WDR17: variants seen among roughly 807,000 people sequenced by gnomAD.
WDR17 encodes the protein WD repeat-containing protein 17.
In WDR17, 143 loss-of-function variants were observed where a neutral mutation model predicts 161.7. The observed-to-expected ratio is 0.88, with a 90% CI of 0.77 to 1.02. The LOEUF is 1.02. Among genes scored for constraint, WDR17 ranks in the 50% least tolerant of loss-of-function variants. The probability of loss-of-function intolerance (pLI) is 0.00; values close to 1 mark genes in which losing one functional copy is unlikely to be tolerated. For synonymous variants in WDR17, 517 were observed against 515.6 expected, an observed-to-expected ratio of 1.00 and a Z score of -0.04; for missense variants, 1,469 against 1,520.9, an observed-to-expected ratio of 0.97 and a Z score of 0.57.
At chr4:176,084,582 T>A (rs1010540777) in intron 1 of WDR17, among the ~76,000 whole-genome samples, 8 of 151,754 alleles carry the variant, frequency 5.3e-5, no homozygotes, top group African/African-American at 1.7e-4. Flanking sequence ...GTCCTATATG[T>A]CAATGTTTTC....
chr4:176,120,071 A>G lies in WDR17; in HGVS notation c.512A>G (p.Asp171Gly), dbSNP rs1293614752. ...QKGKVVFGHI[D>G]GSLSIFHPGN... ...GGGAAAGTTGTGTTTGGTCATATTG[A>G]TGGAAGTCTATCAATTTTTCATCCA... Residue 171 changes from aspartate (D) to glycine (G), a missense_variant, in exon 4 of 29, where the codon GAT becomes GGT. Transcript: ENST00000508596. The G allele has an allele frequency of 1.1e-5, 17 of 1,613,624 alleles. No individual in the cohort carries two copies. Among genetic ancestry groups the G allele is most frequent in the Admixed American group, 1.7e-5 (1 of 59,984 alleles).
At chr4:176,075,288 C>A (rs553293207) in intron 1 of WDR17, among the ~76,000 whole-genome samples, 2 of 151,658 alleles carry the variant, frequency 1.3e-5, no homozygotes, top group Admixed American at 6.6e-5. Context: ...TATTGTGAGT[C>A]GATTTTTCCC....
At position 176,148,201 on chromosome 4, in the gene WDR17, T is replaced by A. The variant is rs1441424905; in HGVS notation, c.1763T>A (p.Val588Glu). Residue 588 changes from valine to glutamate, a missense_variant, in exon 13 of 29, where the codon GTG becomes GAG. By Grantham distance (121) the Val-to-Glu change is moderately radical. Transcript: ENST00000508596. Reference protein sequence around the residue: ...INILNGHTAPVRGLMWNTEIP... With the variant: ...INILNGHTAPERGLMWNTEIP... ...ATTCTTAATGGACACACTGCACCTG[T>A]GAGAGGATTAATGTGGAATACTGAG... 2 of 1,613,896 alleles carry A rather than the reference T, an allele frequency of 1.2e-6. No homozygotes were observed. The highest frequency in any genetic ancestry group is 4.5e-5 in the East Asian group (2 of 44,850).
Position 176,156,075 on chromosome 4 carries a change from G to A in WDR17, c.2461-4G>A, listed in dbSNP as rs779977552. 3 of 1,612,998 alleles carry A rather than the reference G, an allele frequency of 1.9e-6. No individual in the cohort carries two copies. The highest frequency in any genetic ancestry group is 1.7e-6 in the Non-Finnish European group (2 of 1,179,560). On this transcript the variant is annotated splice_region_variant and splice_polypyrimidine_tract_variant and intron_variant, in intron 17 of 28. Coordinates refer to ENST00000508596, the MANE Select transcript of WDR17 (RefSeq NM_181265.4). ...GCTCCTGCCCTTTTTGCCTTCTATT[G>A]TAGTGGGACAAAGCCCTGTCAATTG...
chr4:176,074,548 C>T (rs144450962), intron 1 of WDR17, among the ~76,000 whole-genome samples: 22 of 152,016 alleles, frequency 1.4e-4, no homozygotes, highest in African/African-American at 4.8e-4. Context: ...CCTCGATTTC[C>T]TGGGTTCACG....
At chr4:176,078,701 A>G (rs1388985036) in intron 1 of WDR17, among the ~76,000 whole-genome samples, 2 of 152,018 alleles carry the variant, frequency 1.3e-5, no homozygotes, top group African/African-American at 4.8e-5. Flanking sequence ...CTCCAATTCT[A>G]CTCATATTTT....
chr4:176,172,529 T>C lies in WDR17; in HGVS notation c.3244+13T>C, dbSNP rs76244394. The C allele has an allele frequency of 0.01, 16,079 of 1,568,506 alleles. 180 individuals are homozygous for C. The highest frequency in any genetic ancestry group is 0.055 in the African/African-American group (3,947 of 72,248). ...AGCTTTGTTAAAGGTAAGTAATTAG[T>C]TGGTAGTAGAATTTTAAATATACTC... On this transcript the variant is annotated intron_variant, in intron 24 of 28. Coordinates refer to ENST00000508596, the MANE Select transcript of WDR17 (RefSeq NM_181265.4).
At chr4:176,084,916 A>G (rs1032709519) in intron 1 of WDR17, among the ~76,000 whole-genome samples, 4 of 151,474 alleles carry the variant, frequency 2.6e-5, no homozygotes, top group Non-Finnish European at 5.9e-5. Flanking sequence ...TTAACGGTAT[A>G]TGAAGAGATC....
chr4:176,107,130 A>G (rs757956582), intron 1 of WDR17, among the ~76,000 whole-genome samples: 16 of 152,100 alleles, frequency 1.1e-4, no homozygotes, highest in South Asian at 2.1e-4. Context: ...TGGACAAGAT[A>G]CTTTAATAGA....
At chr4:176,152,103 A>G (rs1430071020) in intron 17 of WDR17, 136 bp downstream of exon 17, 3 of 763,528 alleles carry the variant, frequency 3.9e-6, no homozygotes, top group African/African-American at 3.6e-5. Flanking sequence ...TGAGCCCAGG[A>G]GTTCGATACT....
intron 1 of WDR17, among the ~76,000 whole-genome samples, chr4:176,074,532 C>G (rs1733703940): frequency 6.6e-6 from 1 of 151,982 alleles, no homozygotes; most frequent in African/African-American, 2.4e-5. Flanking sequence ...TCATAGCTCA[C>G]TGCAGCCTCG....
chr4:176,104,959 A>T (rs1202363657), intron 1 of WDR17, among the ~76,000 whole-genome samples: 1 of 152,078 alleles, frequency 6.6e-6, no homozygotes, highest in Non-Finnish European at 1.5e-5. Context: ...ATTTAAAAAA[A>T]GATCCATCTG....
intron 10 of WDR17, among the ~76,000 whole-genome samples, chr4:176,141,019 G>A (rs1745171101): frequency 6.6e-6 from 1 of 152,114 alleles, no homozygotes; most frequent in Non-Finnish European, 1.5e-5. Flanking sequence ...GTGTTGGTGG[G>A]CCTAATAACA....
chr4:176,149,903 T>TG lies in WDR17; in HGVS notation c.1994_1995insG (p.Gln666ThrfsTer18). 6.2e-7 allele frequency: 1 copy of TG among 1,613,954 alleles called. No individual in the cohort carries two copies. Among genetic ancestry groups the TG allele is most frequent in the South Asian group, 1.1e-5 (1 of 90,946 alleles). ...TCATTAACAGCCTTAGTCACTCCTG[T>TG]ACAAATAAATATTCTGGCAGACAGA... is the stretch of plus-strand genomic sequence containing the variant. On this transcript the variant is annotated frameshift_variant, in exon 14 of 29. Coordinates refer to ENST00000508596, the MANE Select transcript of WDR17 (RefSeq NM_181265.4). LOFTEE classifies it high-confidence loss of function.
chr4:176,105,950 A>G lies in WDR17; in HGVS notation c.-6-5625A>G, dbSNP rs201763410. On this transcript the variant is annotated intron_variant, in intron 1 of 28. Coordinates refer to ENST00000508596, the MANE Select transcript of WDR17 (RefSeq NM_181265.4). ...TGTAGCTGGATAAACTAAGAAAAAG[A>G]GAGAAGACTCAAATTATTAAAATCA... Among the ~76,000 whole-genome samples the G allele has an allele frequency of 2.6e-5, 4 of 152,236 alleles. No individual in the cohort carries two copies. In the East Asian group the frequency reaches 7.7e-4, roughly 29 times the overall value.
rs551737757 is a variant in WDR17 at position 176,179,394 on chromosome 4, G to A, written c.3733-66G>A. 5.9e-4 allele frequency: 794 copies of A among 1,348,558 alleles called. 2 individuals are homozygous for A. Among genetic ancestry groups the A allele is most frequent in the Non-Finnish European group, 6.1e-4 (633 of 1,033,426 alleles). The allele number at this position is 1,348,558 out of a possible 1,614,324, so 83.5% of individuals were successfully genotyped here. A position where few individuals can be genotyped will look rare whatever the true frequency, so the allele number is the denominator to read the frequency against. ...TTTTTATTGCAGTGATTCTCTTTCT[G>A]AAAGTTTAAAAATACTTTGCAAATT... On this transcript the variant is annotated intron_variant, in intron 28 of 28. Coordinates refer to ENST00000508596, the MANE Select transcript of WDR17 (RefSeq NM_181265.4).
At chr4:176,087,878 G>A (rs576860162) in intron 1 of WDR17, among the ~76,000 whole-genome samples, 34 of 151,184 alleles carry the variant, frequency 2.2e-4, no homozygotes, top group African/African-American at 7.0e-4. Flanking sequence ...GCCAGAATCT[G>A]TGTCACCCAG....
intron 1 of WDR17, among the ~76,000 whole-genome samples, chr4:176,067,892 A>G (rs146978406): frequency 8.1e-4 from 123 of 152,342 alleles, no homozygotes; most frequent in African/African-American, 2.7e-3. Context: ...CTAGAAGTCC[A>G]ACATGAATGA....
chr4:176,086,362 A>G (rs1381192178), intron 1 of WDR17, among the ~76,000 whole-genome samples: 1 of 151,902 alleles, frequency 6.6e-6, no homozygotes, highest in African/African-American at 2.4e-5. Context: ...TCTATCAGCT[A>G]TTGAGATTTG....
Sources: gnomAD v4.1 joint callset for allele counts (sites outside exome capture counted in the v4.1 genomes callset) on GRCh38, gnomAD v4.1.1 for gene constraint, MANE v1.5 for transcripts, NCBI Gene and HGNC (gene_info 2026-07-23, HGNC 2026-07-21) for gene names.